Variants in PBX1 observed in about 807,000 individuals in gnomAD.
PBX1 encodes PBX homeobox 1.
In PBX1, 6 loss-of-function variants were observed where a neutral mutation model predicts 53.4. That is an observed-to-expected ratio of 0.11 (90% CI 0.06 to 0.22). The LOEUF is 0.22. Ranked by LOEUF, PBX1 falls within the 10% of genes least tolerant of loss-of-function variation. PBX1 has a pLI of 1.00. For synonymous variants in PBX1, 204 were observed against 212.3 expected (o/e 0.96, Z 0.34); for missense variants, 251 against 551.4 (o/e 0.46, Z 5.46).
At chr1:164,644,022 A>G (rs749327569) in intron 2 of PBX1, among the ~76,000 whole-genome samples, 2 of 152,202 alleles carry the variant, frequency 1.3e-5, no homozygotes, top group Admixed American at 6.5e-5. Flanking sequence ...TTCTTTTGTA[A>G]ATAGACTATA....
intron 5 of PBX1, among the ~76,000 whole-genome samples, chr1:164,808,720 A>G (rs1669468092): frequency 6.6e-6 from 1 of 152,192 alleles, no homozygotes; most frequent in South Asian, 2.1e-4. Flanking sequence ...GTACAGAATT[A>G]GGTCCAGTCA....
chr1:164,751,630 T>C (rs1666227999), intron 2 of PBX1, among the ~76,000 whole-genome samples: 1 of 143,476 alleles, frequency 7.0e-6, no homozygotes, highest in Non-Finnish European at 1.5e-5. Context: ...TCGCCCAGCC[T>C]AGAGTGCAAT....
chr1:164,835,080 A>G (rs1670967470), intron 8 of PBX1, among the ~76,000 whole-genome samples: 1 of 152,104 alleles, frequency 6.6e-6, no homozygotes, highest in African/African-American at 2.4e-5. Flanking sequence ...CCTTTTACCT[A>G]CCTATATTAC....
chr1:164,679,592 A>G (rs1432761711), intron 2 of PBX1, among the ~76,000 whole-genome samples: 1 of 152,200 alleles, frequency 6.6e-6, no homozygotes, highest in Admixed American at 6.5e-5. Context: ...AACAACTACA[A>G]CAATAAATCC....
intron 2 of PBX1, among the ~76,000 whole-genome samples, chr1:164,772,099 A>C (rs2102249041): frequency 6.6e-6 from 1 of 152,362 alleles, no homozygotes; most frequent in Middle Eastern, 3.4e-3. Flanking sequence ...TTTTATCCAA[A>C]GATCTGCTGC....
chr1:164,584,795 TTAAC>T (rs1654843569), intron 2 of PBX1, among the ~76,000 whole-genome samples: 1 of 152,098 alleles, frequency 6.6e-6, no homozygotes, highest in Non-Finnish European at 1.5e-5. Context: ...AGCTGCTTCT[TTAAC>T]TAATCAAGGG....
intron 2 of PBX1, among the ~76,000 whole-genome samples, chr1:164,750,756 C>T (rs1424808825): frequency 6.6e-6 from 1 of 152,100 alleles, no homozygotes; most frequent in Non-Finnish European, 1.5e-5. Context: ...AGAACTAGTA[C>T]ATAAGATCTG....
At chr1:164,599,068 C>T (rs1451131669) in intron 2 of PBX1, among the ~76,000 whole-genome samples, 1 of 62,214 alleles carries the variant, frequency 1.6e-5, no homozygotes, top group Non-Finnish European at 3.2e-5. Flanking sequence ...TTTTTTCCTC[C>T]TGATTTTTTT....
chr1:164,605,413 C>T (rs1235424032), intron 2 of PBX1: 3 of 152,036 alleles, frequency 2.0e-5, no homozygotes, highest in African/African-American at 7.2e-5. Flanking sequence ...CTTTTAGGGA[C>T]AGCCTGGTGA....
chr1:164,681,729 T>C (rs1032971916), intron 2 of PBX1, among the ~76,000 whole-genome samples: 12 of 152,230 alleles, frequency 7.9e-5, no homozygotes, highest in Admixed American at 3.3e-4. Context: ...TGAGGTACTA[T>C]GCTTATTACC....
chr1:164,585,743 A>T (rs1453979506), intron 2 of PBX1, among the ~76,000 whole-genome samples: 2 of 152,286 alleles, frequency 1.3e-5, no homozygotes, highest in Admixed American at 1.3e-4. Flanking sequence ...TGCCATCCTG[A>T]CTTGGGCATC....
At chr1:164,661,897 G>T (rs1209554976) in intron 2 of PBX1, among the ~76,000 whole-genome samples, 1 of 152,004 alleles carries the variant, frequency 6.6e-6, no homozygotes, top group East Asian at 1.9e-4. Context: ...AGTAAAAACA[G>T]GAAAAAAAGG....
intron 2 of PBX1, among the ~76,000 whole-genome samples, chr1:164,649,677 G>A (rs1414763408): frequency 6.6e-6 from 1 of 152,134 alleles, no homozygotes; most frequent in Non-Finnish European, 1.5e-5. Flanking sequence ...GCAGCATACT[G>A]TAGCAAACTT....
At position 164,848,834 on chromosome 1, in the gene PBX1, G is replaced by A. The variant is rs1369683493; in HGVS notation, c.*2158G>A. ...TACAGTCATAAATAGAAAACACTGT[G>A]TGTGCTCAGGGGAGCAGGGGATGCC... On this transcript the variant is annotated 3_prime_UTR_variant, in exon 9 of 9. Transcript: ENST00000420696. The A allele has an allele frequency of 1.9e-6, 2 of 1,064,408 alleles. No individual in the cohort carries two copies. The highest frequency in any genetic ancestry group is 1.6e-5 in the African/African-American group (1 of 60,988). The allele number at this position is 1,064,408 out of a possible 1,614,324, so 65.9% of individuals were successfully genotyped here. A position where few individuals can be genotyped will look rare whatever the true frequency, so the allele number is the denominator to read the frequency against.
chr1:164,605,595 C>A (rs189922023), intron 2 of PBX1, among the ~76,000 whole-genome samples: 1 of 152,098 alleles, frequency 6.6e-6, no homozygotes, highest in Non-Finnish European at 1.5e-5. Flanking sequence ...AATTGAAACT[C>A]CAGTGTTTAG....
intron 2 of PBX1, among the ~76,000 whole-genome samples, chr1:164,713,959 T>G (rs1663941853): frequency 6.6e-6 from 1 of 152,180 alleles, no homozygotes; most frequent in South Asian, 2.1e-4. Flanking sequence ...ACATATATGA[T>G]TTCACAGCTC....
intron 2 of PBX1, among the ~76,000 whole-genome samples, chr1:164,624,933 A>G (rs547410021): frequency 1.3e-5 from 2 of 152,306 alleles, no homozygotes; most frequent in Non-Finnish European, 2.9e-5. Flanking sequence ...ATTCTAGAAA[A>G]TAGGTTTATA....
At chr1:164,613,587 G>A (rs1366343983) in intron 2 of PBX1, among the ~76,000 whole-genome samples, 1 of 152,150 alleles carries the variant, frequency 6.6e-6, no homozygotes, top group East Asian at 1.9e-4. Context: ...TTGCGGTTAT[G>A]ATCTGTGTAT....
chr1:164,643,630 T>C (rs1008649594), intron 2 of PBX1, among the ~76,000 whole-genome samples: 2 of 152,234 alleles, frequency 1.3e-5, no homozygotes, highest in African/African-American at 4.8e-5. Flanking sequence ...TTTATTTATT[T>C]ATTTATTTAA....
Sources: gnomAD v4.1 joint callset for allele counts (sites outside exome capture counted in the v4.1 genomes callset) on GRCh38, gnomAD v4.1.1 for gene constraint, MANE v1.5 for transcripts, NCBI Gene and HGNC (gene_info 2026-07-23, HGNC 2026-07-21) for gene names.